FGF1: variants seen among roughly 807,000 people sequenced by gnomAD.
FGF1 encodes fibroblast growth factor 1, also known as beta-endothelial cell growth factor.
In FGF1, 9 loss-of-function variants were observed where a neutral mutation model predicts 13.4. The ratio of observed to expected loss-of-function variants is 0.67; its 90% confidence interval spans 0.40 to 1.17. The LOEUF is 1.17. FGF1 is among the 50% of genes most tolerant of loss of function. The probability of loss-of-function intolerance (pLI) is 0.01; values close to 1 mark genes in which losing one functional copy is unlikely to be tolerated. For synonymous variants in FGF1, 93 were observed against 79.0 expected, an observed-to-expected ratio of 1.18 and a Z score of -0.94; for missense variants, 156 against 192.7, an observed-to-expected ratio of 0.81 and a Z score of 1.13.
intron 1 of FGF1, among the ~76,000 whole-genome samples, chr5:142,644,760 C>T (rs1314564752): frequency 2.0e-5 from 3 of 152,198 alleles, no homozygotes; most frequent in Non-Finnish European, 4.4e-5. Context: ...AGGACAAGGA[C>T]TAAAGCTGTT....
chr5:142,599,439 C>T (rs992803844), intron 3 of FGF1, among the ~76,000 whole-genome samples: 1 of 152,176 alleles, frequency 6.6e-6, no homozygotes, highest in South Asian at 2.1e-4. Flanking sequence ...TGCCCTCTGT[C>T]ACTTGGCAAT....
Position 142,593,641 on chromosome 5 carries a change from A to G in FGF1, c.*1649T>C, listed in dbSNP as rs574993539. The G allele has an allele frequency of 1.7e-4, 26 of 152,500 alleles. No individual in the cohort carries two copies. The highest frequency in any genetic ancestry group is 5.5e-4 in the African/African-American group (23 of 41,586). The allele number at this position is 152,500 out of a possible 1,614,324, so 9.4% of individuals were successfully genotyped here. A position where few individuals can be genotyped will look rare whatever the true frequency, so the allele number is the denominator to read the frequency against. On this transcript the variant is annotated 3_prime_UTR_variant, in exon 4 of 4. Transcript: ENST00000337706. ...AGAAAATTTGTAATAGCACAGTGGA[A>G]AACAAAAATCTCATTTTATAGGTAA...
intron 3 of FGF1, among the ~76,000 whole-genome samples, chr5:142,596,793 A>C (rs1441820132): frequency 6.6e-6 from 1 of 152,148 alleles, no homozygotes; most frequent in East Asian, 1.9e-4. Context: ...ACTTTTAAAA[A>C]TATACCTTTA....
In FGF1 at chr5:142,692,494, CT is replaced by C. The variant is rs566338083; in HGVS notation, c.-35+5127del. Among the ~76,000 whole-genome samples, 269 of 152,282 alleles carry C rather than the reference CT, an allele frequency of 1.8e-3. 1 individual carries two copies. The highest frequency in any genetic ancestry group is 6.2e-3 in the African/African-American group (259 of 41,566). On this transcript the variant is annotated intron_variant, in intron 2 of 4. Coordinates refer to the FGF1 transcript ENST00000407758. ...AACAGAGTGATCTCTCAGGCCTCCCCTGTAATGATTTAACAACTATCCTGTT... is the reference window on the plus strand; with the variant it reads ...AACAGAGTGATCTCTCAGGCCTCCCCGTAATGATTTAACAACTATCCTGTT...
chr5:142,636,486 G>A (rs528554343), intron 1 of FGF1, among the ~76,000 whole-genome samples: 8 of 152,334 alleles, frequency 5.3e-5, no homozygotes, highest in African/African-American at 1.9e-4. Context: ...CACATATTCA[G>A]TGAGTACCTA....
At chr5:142,608,579 T>C (rs1561538380) in intron 2 of FGF1, among the ~76,000 whole-genome samples, 2 of 77,356 alleles carry the variant, frequency 2.6e-5, no homozygotes, top group African/African-American at 1.3e-4. Flanking sequence ...TATATATATA[T>C]ATATACACAC....
chr5:142,650,308 C>T (rs1267046932), intron 1 of FGF1, among the ~76,000 whole-genome samples: 1 of 152,166 alleles, frequency 6.6e-6, no homozygotes, highest in Non-Finnish European at 1.5e-5. Flanking sequence ...TGACATTTAT[C>T]AAGATAACAT....
chr5:142,666,861 C>A (rs568041913), intron 1 of FGF1, among the ~76,000 whole-genome samples: 1 of 151,362 alleles, frequency 6.6e-6, no homozygotes, highest in African/African-American at 2.4e-5. Context: ...CTCTTGAGCC[C>A]AGAAGTTTGA....
intron 1 of FGF1, among the ~76,000 whole-genome samples, chr5:142,626,501 A>C (rs1057335884): frequency 6.6e-6 from 1 of 152,248 alleles, no homozygotes; most frequent in South Asian, 2.1e-4. Flanking sequence ...TGCTGAATAA[A>C]TGTGGATAAG....
At chr5:142,676,919 A>AAACAACAAC (rs58320203) in intron 1 of FGF1, among the ~76,000 whole-genome samples, 2 of 151,516 alleles carry the variant, frequency 1.3e-5, no homozygotes, top group African/African-American at 2.4e-5. Context: ...ACAAAAAACA[A>AAACAACAAC]AACAACAACA....
In FGF1 at chr5:142,651,654, C is replaced by T. The variant is rs1025696550; in HGVS notation, c.-35+34303G>A. Among the ~76,000 whole-genome samples the T allele has an allele frequency of 5.9e-5, 9 of 152,298 alleles. No individual in the cohort carries two copies. The East Asian group carries it at 1.7e-3, about 29-fold the overall frequency. On this transcript the variant is annotated intron_variant, in intron 1 of 3. Transcript: ENST00000337706. Reference sequence around the variant, plus strand: ...CTTCATGTTCTACCAATCCATCCTTCCCTCCCTCCTAACTCCTGAAAACCA... The same window carrying T: ...CTTCATGTTCTACCAATCCATCCTTTCCTCCCTCCTAACTCCTGAAAACCA...
At chr5:142,631,473 A>G (rs896426289) in intron 1 of FGF1, among the ~76,000 whole-genome samples, 3 of 152,116 alleles carry the variant, frequency 2.0e-5, no homozygotes, top group South Asian at 2.1e-4. Context: ...CTTTCCAATC[A>G]CTTTCCCAGC....
At chr5:142,642,195 G>A (rs549488109) in intron 1 of FGF1, among the ~76,000 whole-genome samples, 1 of 152,300 alleles carries the variant, frequency 6.6e-6, no homozygotes, top group African/African-American at 2.4e-5. Flanking sequence ...TCACCAGATG[G>A]GTGCTGTCAG....
At chr5:142,688,819 G>A (rs1751683259), upstream of FGF1, among the ~76,000 whole-genome samples, 1 of 152,226 alleles carries the variant, frequency 6.6e-6, no homozygotes, top group African/African-American at 2.4e-5. Context: ...CATCCTAACA[G>A]ATGGACTCAA....
At chr5:142,618,883 A>G (rs181788770) in intron 1 of FGF1, among the ~76,000 whole-genome samples, 43 of 151,776 alleles carry the variant, frequency 2.8e-4, no homozygotes, top group Admixed American at 1.6e-3. Context: ...TGATGTGTTA[A>G]GAATCAAAGG....
At chr5:142,637,433 C>T (rs936519959) in intron 1 of FGF1, among the ~76,000 whole-genome samples, 14 of 151,804 alleles carry the variant, frequency 9.2e-5, no homozygotes, top group African/African-American at 3.4e-4. Flanking sequence ...CATTCTCCTG[C>T]CTCAGCCTCC....
chr5:142,601,832 C>G (rs892838275), intron 2 of FGF1, among the ~76,000 whole-genome samples: 5 of 152,204 alleles, frequency 3.3e-5, no homozygotes, highest in Non-Finnish European at 7.3e-5. Flanking sequence ...GTGCTGGACA[C>G]TTAATTGGAA....
intron 2 of FGF1, among the ~76,000 whole-genome samples, chr5:142,691,898 C>T (rs534532117): frequency 6.6e-6 from 1 of 152,266 alleles, no homozygotes; most frequent in African/African-American, 2.4e-5. Context: ...GTTTTGTTTT[C>T]AGTTTATCAT....
chr5:142,678,015 G>C (rs1356195813), intron 1 of FGF1, among the ~76,000 whole-genome samples: 1 of 152,148 alleles, frequency 6.6e-6, no homozygotes, highest in Non-Finnish European at 1.5e-5. Flanking sequence ...AAGAACTGGG[G>C]GGAAAGCATC....
Sources: gnomAD v4.1 joint callset for allele counts (sites outside exome capture counted in the v4.1 genomes callset) on GRCh38, gnomAD v4.1.1 for gene constraint, MANE v1.5 for transcripts, NCBI Gene and HGNC (gene_info 2026-07-23, HGNC 2026-07-21) for gene names.